The following MAN2A1 variants were observed in gnomAD, a reference collection of about 807,000 sequenced individuals.
MAN2A1 encodes alpha-mannosidase 2.
In MAN2A1, 76 loss-of-function variants were observed where a neutral mutation model predicts 142.6. The observed-to-expected ratio is 0.53, with a 90% CI of 0.44 to 0.65. The LOEUF is 0.65. Among genes scored for constraint, MAN2A1 ranks in the 30% least tolerant of loss-of-function variants. The pLI is 0.00. For synonymous variants in MAN2A1, 559 were observed against 473.2 expected, an observed-to-expected ratio of 1.18 and a Z score of -2.35; for missense variants, 1,311 against 1,365.1, an observed-to-expected ratio of 0.96 and a Z score of 0.62.
chr5:109,812,128 G>A (rs746190310), intron 12 of MAN2A1, among the ~76,000 whole-genome samples: 2 of 152,102 alleles, frequency 1.3e-5, no homozygotes, highest in African/African-American at 2.4e-5. Context: ...TTTGTGCTTG[G>A]TCTGAGCTAG....
At position 109,703,406 on chromosome 5, in the gene MAN2A1, G is replaced by A. The variant is rs550032290; in HGVS notation, c.136-10114G>A. ...TAAGACAGATTACCAACATAGACCA[G>A]CAACCATTGCCTATATGATGTGTTA... On this transcript the variant is annotated intron_variant, in intron 1 of 21. Transcript: ENST00000261483. Among the ~76,000 whole-genome samples the A allele has an allele frequency of 2.6e-5, 4 of 152,294 alleles. No homozygotes were observed. The East Asian group carries it at 7.7e-4, about 29-fold the overall frequency.
intron 16 of MAN2A1, among the ~76,000 whole-genome samples, chr5:109,833,321 C>G (rs980598104): frequency 6.6e-6 from 1 of 152,132 alleles, no homozygotes; most frequent in Non-Finnish European, 1.5e-5. Context: ...AGGCAGGCGG[C>G]TGGGAGGTGG....
At chr5:109,747,809 A>T (rs1251646857) in intron 4 of MAN2A1, among the ~76,000 whole-genome samples, 3 of 152,184 alleles carry the variant, frequency 2.0e-5, no homozygotes, top group African/African-American at 7.2e-5. Context: ...GACATGTGTA[A>T]TACAAGATTC....
At chr5:109,860,667 C>G (rs1755732433) in intron 20 of MAN2A1, among the ~76,000 whole-genome samples, 1 of 152,180 alleles carries the variant, frequency 6.6e-6, no homozygotes, top group African/African-American at 2.4e-5. Context: ...TAACTCACAT[C>G]TTAAGATCTT....
intron 4 of MAN2A1, among the ~76,000 whole-genome samples, chr5:109,753,824 A>G (rs989418257): frequency 2.0e-5 from 3 of 151,770 alleles, no homozygotes; most frequent in African/African-American, 4.8e-5. Flanking sequence ...CTGAAATTTT[A>G]CCCCATTTTC....
intron 16 of MAN2A1, among the ~76,000 whole-genome samples, chr5:109,825,459 A>G (rs1342198970): frequency 6.6e-6 from 1 of 152,294 alleles, no homozygotes; most frequent in African/African-American, 2.4e-5. Context: ...TCAATCAGGT[A>G]TATTTGCATA....
chr5:109,741,825 G>T lies in MAN2A1; in HGVS notation c.707+12312G>T, dbSNP rs1303491327. ...CAACATCTATATTTTCTGTTTTTTT[G>T]TGTGATCTGAAATAATTTAATCAAT... On this transcript the variant is annotated intron_variant, in intron 4 of 21. Coordinates refer to ENST00000261483, the MANE Select transcript of MAN2A1 (RefSeq NM_002372.4). Among the ~76,000 whole-genome samples the T allele has an allele frequency of 2.6e-5, 4 of 152,132 alleles. 1 individual carries two copies. Among genetic ancestry groups the T allele is most frequent in the Non-Finnish European group, 5.9e-5 (4 of 67,962 alleles).
chr5:109,798,284 T>G (rs940503639), intron 12 of MAN2A1, among the ~76,000 whole-genome samples: 8 of 152,180 alleles, frequency 5.3e-5, no homozygotes, highest in African/African-American at 1.7e-4. Context: ...AATACCAACT[T>G]CTGGTGAGAG....
intron 20 of MAN2A1, among the ~76,000 whole-genome samples, chr5:109,862,009 GGTT>G (rs1366084380): frequency 6.6e-6 from 1 of 152,110 alleles, no homozygotes; most frequent in Non-Finnish European, 1.5e-5. Flanking sequence ...CTATTTCAAA[GGTT>G]GTTGTGCGAT....
At chr5:109,775,290 T>A (rs772004239) in intron 8 of MAN2A1, among the ~76,000 whole-genome samples, 2 of 152,154 alleles carry the variant, frequency 1.3e-5, no homozygotes, top group Non-Finnish European at 2.9e-5. Context: ...TTTTGTTTTT[T>A]TACCAACATT....
intron 16 of MAN2A1, among the ~76,000 whole-genome samples, chr5:109,836,477 C>A (rs1284940191): frequency 6.6e-6 from 1 of 152,106 alleles, no homozygotes; most frequent in Non-Finnish European, 1.5e-5. Context: ...TAGACTGGTG[C>A]TAAGCAACAG....
At chr5:109,846,845 T>A (rs1183522312) in intron 18 of MAN2A1, among the ~76,000 whole-genome samples, 2 of 152,180 alleles carry the variant, frequency 1.3e-5, no homozygotes, top group Non-Finnish European at 2.9e-5. Flanking sequence ...TATAAACTCA[T>A]GCCATAAAGA....
intron 16 of MAN2A1, among the ~76,000 whole-genome samples, chr5:109,833,179 T>G (rs1754968821): frequency 7.0e-6 from 1 of 142,354 alleles, no homozygotes; most frequent in Admixed American, 7.0e-5. Context: ...GCTCCTCACT[T>G]CCCAGACTGG....
rs982037518 is a variant in MAN2A1 at position 109,849,059 on chromosome 5, C to G, written c.2976+1269C>G. On this transcript the variant is annotated intron_variant, in intron 19 of 21. Coordinates refer to ENST00000261483, the MANE Select transcript of MAN2A1 (RefSeq NM_002372.4). ...CTGGCCATTGTCACTCTCTAAAATA[C>G]TGCCTTGCCAGGGCTTCTATGGAGC... 2.0e-5 allele frequency among the ~76,000 whole-genome samples: 3 copies of G among 152,218 alleles called. No individual in the cohort carries two copies. The East Asian group carries it at 5.8e-4, about 29-fold the overall frequency.
chr5:109,732,444 A>G (rs570603542), intron 4 of MAN2A1, among the ~76,000 whole-genome samples: 4 of 152,336 alleles, frequency 2.6e-5, no homozygotes, highest in African/African-American at 4.8e-5. Context: ...GCTCATGCCT[A>G]TGTCCTGAAT....
chr5:109,823,196 A>G (rs1471956094), intron 15 of MAN2A1, among the ~76,000 whole-genome samples: 2 of 152,214 alleles, frequency 1.3e-5, no homozygotes, highest in South Asian at 2.1e-4. Flanking sequence ...GTGAATTTAT[A>G]TTCAGCTAGT....
At chr5:109,832,626 C>G (rs1397084552) in intron 16 of MAN2A1, among the ~76,000 whole-genome samples, 1 of 152,200 alleles carries the variant, frequency 6.6e-6, no homozygotes, top group African/African-American at 2.4e-5. Context: ...CCCACACGTC[C>G]CCCCCTTCCA....
intron 1 of MAN2A1, among the ~76,000 whole-genome samples, chr5:109,710,058 G>A (rs184112302): frequency 6.6e-6 from 1 of 152,122 alleles, no homozygotes; most frequent in African/African-American, 2.4e-5. Flanking sequence ...TTTGGAGGGA[G>A]ACTTTATTCC....
rs1475261156 is a variant in MAN2A1 at position 109,820,246 on chromosome 5, A to T, written c.2355A>T (p.Lys785Asn). ...MKQMMTKEDGKHHEVNVQFSW... is the reference protein window; with the variant it reads ...MKQMMTKEDGNHHEVNVQFSW... ...AAATGATGACTAAAGAAGATGGTAA[A>T]CACCATGAAGTAAATGTGCAATTTT... The change falls in exon 15 of 22, where the codon AAA (lysine) becomes AAT (asparagine). Residue 785 changes from lysine to asparagine, a missense_variant. By Grantham distance (94) the Lys-to-Asn change is moderately conservative. Around this residue, in one of 3 missense-constraint regions of MAN2A1, gnomAD observed 890 missense variants for 920.5 expected, o/e 0.97. Coordinates refer to ENST00000261483, the MANE Select transcript of MAN2A1 (RefSeq NM_002372.4). 1.2e-6 allele frequency: 2 copies of T among 1,609,894 alleles called. No homozygotes were observed. The highest frequency in any genetic ancestry group is 1.8e-4 in the Middle Eastern group (1 of 5,618).
Sources: allele counts gnomAD v4.1 joint callset (sites outside exome capture counted in the v4.1 genomes callset), GRCh38; gene constraint gnomAD v4.1.1; regional missense constraint gnomAD v4.1.1; transcripts MANE v1.5; gene names NCBI Gene and HGNC (gene_info 2026-07-23, HGNC 2026-07-21).